The following TTLL10 variants were observed in gnomAD, a reference collection of about 807,000 sequenced individuals.
TTLL10 encodes inactive polyglycylase TTLL10.
Under a neutral mutation model 69.0 loss-of-function variants are expected in TTLL10, and 61 were observed. The observed-to-expected ratio is 0.88, with a 90% confidence interval of 0.72 to 1.09. The LOEUF (loss-of-function observed/expected upper bound fraction) is 1.09. Among genes scored for constraint, TTLL10 ranks in the 50% least tolerant of loss-of-function variants. The pLI, the probability that TTLL10 is intolerant of heterozygous loss-of-function variation, is 0.00. For missense variants in TTLL10, 962 were observed against 945.9 expected (o/e 1.02, Z -0.22); for synonymous variants, 408 against 393.3 (o/e 1.04, Z -0.44).
In TTLL10 at chr1:1,182,858, A is replaced by G; in HGVS notation, c.917-18A>G. The G allele has an allele frequency of 6.5e-7, 1 of 1,545,660 alleles. No individual in the cohort carries two copies. Among genetic ancestry groups the G allele is most frequent in the South Asian group, 1.2e-5 (1 of 82,726 alleles). ...GGGTTGGGGGCGAGGCCAGGGGCTC[A>G]GGCCGCGCTCTCTGCAGAAACCCAG... On this transcript the variant is annotated intron_variant, in intron 10 of 15. Coordinates refer to ENST00000379289, the MANE Select transcript of TTLL10 (RefSeq NM_001130045.2).
At position 1,184,363 on chromosome 1, in the gene TTLL10, C is replaced by G. The variant is rs555578539; in HGVS notation, c.1260+272C>G. On this transcript the variant is annotated intron_variant, in intron 12 of 15. Coordinates refer to ENST00000379289, the MANE Select transcript of TTLL10 (RefSeq NM_001130045.2). Reference sequence around the variant, plus strand: ...GAGCCCTGTAGCCCTCAGCGTGCAGCCTGGCTCCCAAGCCGCAGCTGAGTT... The same window carrying G: ...GAGCCCTGTAGCCCTCAGCGTGCAGGCTGGCTCCCAAGCCGCAGCTGAGTT... 1.3e-3 allele frequency among the ~76,000 whole-genome samples: 191 copies of G among 152,352 alleles called. 1 individual carries two copies. Among genetic ancestry groups the G allele is most frequent in the African/African-American group, 4.2e-3 (175 of 41,586 alleles).
intron 13 of TTLL10, among the ~76,000 whole-genome samples, chr1:1,191,683 G>T (rs1016440982): frequency 9.9e-5 from 15 of 152,188 alleles, no homozygotes; most frequent in African/African-American, 3.6e-4. Flanking sequence ...GGTGTGAAGT[G>T]GGAAATCAGG....
At position 1,196,385 on chromosome 1, in the gene TTLL10, G is replaced by A. The variant is rs556712834; in HGVS notation, c.1402-215G>A. ...AGTTTTCCTCACTCTCGTATCTCCA[G>A]TGCCTGACACAGGACAGGAGCTGCA... is the stretch of plus-strand genomic sequence containing the variant. On this transcript the variant is annotated intron_variant, in intron 13 of 15. Transcript: ENST00000379289. 4 of 559,506 alleles carry A rather than the reference G, an allele frequency of 7.1e-6. No individual in the cohort carries two copies. In the East Asian group the frequency reaches 9.0e-5, roughly 13 times the overall value. The allele number at this position is 559,506 out of a possible 1,614,324, so 34.7% of individuals were successfully genotyped here. A position where few individuals can be genotyped will look rare whatever the true frequency, so the allele number is the denominator to read the frequency against.
In TTLL10 at chr1:1,184,953, C is replaced by A. The variant is rs1439456546; in HGVS notation, c.1261-16C>A. 6.3e-7 allele frequency: 1 copy of A among 1,596,456 alleles called. No homozygotes were observed. Among genetic ancestry groups the A allele is most frequent in the Admixed American group, 1.8e-5 (1 of 56,434 alleles). On this transcript the variant is annotated splice_polypyrimidine_tract_variant and intron_variant, in intron 12 of 15. Transcript: ENST00000379289. ...GACAGTCTGGGAGCCAGTCTCCAGG[C>A]ACCGTGTGCCCCCAGTTCATGCAGA...
In TTLL10 at chr1:1,197,136, A is replaced by G; in HGVS notation, c.1562A>G (p.Asn521Ser). ...AATTCTAACCCAGCCCTGCACACCA[A>G]CTGCGAGGTCCTGAAGGAGGTCATC... is the stretch of plus-strand genomic sequence containing the variant. ...EMNSNPALHT[N>S]CEVLKEVIPG... Residue 521 changes from asparagine (N) to serine (S), a missense_variant, in exon 15 of 16, where the codon AAC (asparagine) becomes AGC (serine). Transcript: ENST00000379289. 3.9e-6 allele frequency: 6 copies of G among 1,551,002 alleles called. No homozygotes were observed. Among genetic ancestry groups the G allele is most frequent in the Non-Finnish European group, 5.2e-6 (6 of 1,146,804 alleles).
intron 13 of TTLL10, among the ~76,000 whole-genome samples, chr1:1,189,135 T>C (rs1647558882): frequency 6.6e-6 from 1 of 152,266 alleles, no homozygotes; most frequent in South Asian, 2.1e-4. Context: ...ATATGCATTT[T>C]ATTTCTTTTC....
intron 11 of TTLL10, 103 bp from the exon 12 acceptor site, chr1:1,183,817 C>A: frequency 6.9e-7 from 1 of 1,448,992 alleles, no homozygotes; most frequent in South Asian, 1.2e-5. Flanking sequence ...GGGACAGAGG[C>A]GGGGCGCTGA....
At chr1:1,186,575 AG>A (rs1447512161) in intron 13 of TTLL10, among the ~76,000 whole-genome samples, 1 of 152,190 alleles carries the variant, frequency 6.6e-6, no homozygotes, top group East Asian at 1.9e-4. Context: ...CGTGGGTCAC[AG>A]GGTGACACAC....
chr1:1,179,579 C>A, intron 4 of TTLL10, 78 bp from the exon 5 acceptor site: 1 of 1,539,456 alleles, frequency 6.5e-7, no homozygotes, highest in Non-Finnish European at 8.8e-7. Context: ...GAAGGGCAGC[C>A]CCTCGTCTCC....
chr1:1,180,195 C>G lies in TTLL10; in HGVS notation c.361C>G (p.Arg121Gly). 1 of 1,611,086 alleles carries G rather than the reference C, an allele frequency of 6.2e-7. No homozygotes were observed. The highest frequency in any genetic ancestry group is 2.2e-5 in the East Asian group (1 of 44,824). ...ACCCCCTGGGCTCCTGAACAGCCAC[C>G]GGCCTGCAGACTCGGATGACACTAA... ...PGPPGLLNSH[R>G]PADSDDTNAA... The change falls in exon 6 of 16, where the codon CGG becomes GGG. Residue 121 changes from arginine to glycine, a missense_variant. By Grantham distance (125) the Arg-to-Gly change is moderately radical (BLOSUM62 -2). Transcript: ENST00000379289.
Position 1,181,700 on chromosome 1 carries a change from G to A in TTLL10, c.756-41G>A, listed in dbSNP as rs1220230248. The stretch of plus-strand genomic sequence containing the variant: ...TCCCCACCCGCTCCAAGCACCATGA[G>A]CTGGCCCCTCAGTCCAGGCCCTCTG... On this transcript the variant is annotated intron_variant, in intron 8 of 15. Transcript: ENST00000379289. This position sits in a 1 kb window ranked among gnomAD's most constrained non-coding sequence, Gnocchi z 4.6. 3.2e-6 allele frequency: 5 copies of A among 1,552,338 alleles called. No homozygotes were observed. The African/African-American group carries it at 6.8e-5, about 21-fold the overall frequency.
intron 3 of TTLL10, among the ~76,000 whole-genome samples, chr1:1,177,285 C>T (rs902862512): frequency 1.1e-4 from 16 of 147,752 alleles, no homozygotes; most frequent in South Asian, 6.5e-4. Flanking sequence ...TGTGTCTGTG[C>T]GTGTGTGTGT....
chr1:1,175,327 T>A, intron 3 of TTLL10: 1 of 92,066 alleles, frequency 1.1e-5, no homozygotes, highest in Non-Finnish European at 1.8e-5. Context: ...GGTGGGGGGG[T>A]GGGTGCTGTG....
intron 12 of TTLL10, 58 bp downstream of exon 12, chr1:1,184,149 G>C (rs1304946804): frequency 6.2e-7 from 1 of 1,608,046 alleles, no homozygotes; most frequent in African/African-American, 1.3e-5. Flanking sequence ...TTAGAAGGAG[G>C]TTCTCACTGC....
chr1:1,192,566 C>T (rs1305447738), intron 13 of TTLL10, among the ~76,000 whole-genome samples: 1 of 151,280 alleles, frequency 6.6e-6, no homozygotes, highest in Non-Finnish European at 1.5e-5. Flanking sequence ...TGAGTGTAGA[C>T]AATCCAGTTG....
At position 1,181,907 on chromosome 1, in the gene TTLL10, C is replaced by T. The variant is rs1647082138; in HGVS notation, c.830+92C>T. ...AAAAGGAGAAAGCGGGGCGGGGGTC[C>T]CACACAAAGGAAAACCACGAGCTAG... On this transcript the variant is annotated intron_variant, in intron 9 of 15. Coordinates refer to ENST00000379289, the MANE Select transcript of TTLL10 (RefSeq NM_001130045.2). The surrounding 1 kb of genome is among the most constrained non-coding windows in gnomAD (Gnocchi z 4.6). 3 of 1,264,272 alleles carry T rather than the reference C, an allele frequency of 2.4e-6. No homozygotes were observed. Among genetic ancestry groups the T allele is most frequent in the Middle Eastern group, 1.9e-4 (1 of 5,360 alleles). The allele number at this position is 1,264,272 out of a possible 1,614,324, so 78.3% of individuals were successfully genotyped here.
intron 3 of TTLL10, chr1:1,176,404 A>G: frequency 2.2e-6 from 1 of 446,476 alleles, no homozygotes; most frequent in Non-Finnish European, 4.5e-6. Context: ...AGGCTGGGGC[A>G]CACAGTCATC....
intron 3 of TTLL10, among the ~76,000 whole-genome samples, chr1:1,177,080 CTG>C (rs530565264): frequency 8.2e-5 from 12 of 146,678 alleles, no homozygotes; most frequent in Non-Finnish European, 1.2e-4. Flanking sequence ...GTGTGGGTGT[CTG>C]TGTGTGTGTC....
chr1:1,184,373 A>G (rs1301734521), intron 12 of TTLL10, among the ~76,000 whole-genome samples: 1 of 152,212 alleles, frequency 6.6e-6, no homozygotes, highest in East Asian at 1.9e-4. Context: ...CCTGGCTCCC[A>G]AGCCGCAGCT....
Sources: allele counts gnomAD v4.1 joint callset (sites outside exome capture counted in the v4.1 genomes callset), GRCh38; gene constraint gnomAD v4.1.1; non-coding constraint Gnocchi (gnomAD v3.1); transcripts MANE v1.5; gene names NCBI Gene and HGNC (gene_info 2026-07-23, HGNC 2026-07-21).